The following FARSB variants were observed in gnomAD, a reference collection of about 807,000 sequenced individuals.
FARSB encodes phenylalanine--tRNA ligase beta subunit.
In FARSB, 40 loss-of-function variants were observed where a neutral mutation model predicts 69.6. That is an observed-to-expected ratio of 0.57 (90% confidence interval 0.45 to 0.75). FARSB has a LOEUF of 0.75. Among genes scored for constraint, FARSB ranks in the 30% least tolerant of loss-of-function variants. FARSB has a pLI of 0.00. For missense variants in FARSB, 632 were observed against 722.9 expected, an observed-to-expected ratio of 0.87 and a Z score of 1.44; for synonymous variants, 235 against 247.2, an observed-to-expected ratio of 0.95 and a Z score of 0.46.
intron 16 of FARSB, among the ~76,000 whole-genome samples, chr2:222,574,815 C>A (rs1448545120): frequency 6.6e-6 from 1 of 152,192 alleles, no homozygotes; most frequent in East Asian, 1.9e-4. Flanking sequence ...AAGGTTCTGT[C>A]CTCCTCATAC....
intron 6 of FARSB, among the ~76,000 whole-genome samples, chr2:222,634,187 T>C (rs963120669): frequency 4.6e-5 from 7 of 152,200 alleles, no homozygotes; most frequent in Non-Finnish European, 2.9e-5. Flanking sequence ...TGAAATCATA[T>C]CAGAGGTTAA....
chr2:222,652,317 A>G (rs964230347), intron 1 of FARSB, among the ~76,000 whole-genome samples: 8 of 152,152 alleles, frequency 5.3e-5, no homozygotes, highest in African/African-American at 1.9e-4. Flanking sequence ...GAATCAGTGG[A>G]GGTTAGAGGG....
Position 222,583,028 on chromosome 2 carries a change from T to C in FARSB, c.1619-11006A>G, listed in dbSNP as rs549461714. On this transcript the variant is annotated intron_variant, in intron 16 of 16. Transcript: ENST00000281828. ...AACACAGGAACAGAAAACCAAACAC[T>C]GCATGTTCTCACTCATAAGAGGGAG... Among the ~76,000 whole-genome samples, 10 of 151,570 alleles carry C rather than the reference T, an allele frequency of 6.6e-5. No individual in the cohort carries two copies. In the East Asian group the frequency reaches 1.9e-3, roughly 29 times the overall value.
At position 222,613,943 on chromosome 2, in the gene FARSB, A is replaced by G. The variant is rs375453983; in HGVS notation, c.1345-15T>C. Reference sequence around the variant, plus strand: ...GTGCGTGCCACCTACAGGAAAAGACATGAAATTGCACTGACCAAATAGGAC... The same window carrying G: ...GTGCGTGCCACCTACAGGAAAAGACGTGAAATTGCACTGACCAAATAGGAC... On this transcript the variant is annotated splice_polypyrimidine_tract_variant and intron_variant, in intron 14 of 16. Transcript: ENST00000281828. 4 of 1,534,266 alleles carry G rather than the reference A, an allele frequency of 2.6e-6. No homozygotes were observed. The highest frequency in any genetic ancestry group is 2.2e-5 in the East Asian group (1 of 44,478).
At chr2:222,652,349 C>T (rs2106018799) in intron 1 of FARSB, among the ~76,000 whole-genome samples, 1 of 152,198 alleles carries the variant, frequency 6.6e-6, no homozygotes, top group South Asian at 2.1e-4. Flanking sequence ...AGTCAGCCTC[C>T]AAGATGGGCT....
chr2:222,596,839 T>C (rs577283138), intron 16 of FARSB, among the ~76,000 whole-genome samples: 21 of 152,304 alleles, frequency 1.4e-4, no homozygotes, highest in African/African-American at 4.6e-4. Context: ...CACATACATA[T>C]ATATTAGATG....
chr2:222,633,849 G>T (rs1294613876), intron 6 of FARSB, among the ~76,000 whole-genome samples: 1 of 152,106 alleles, frequency 6.6e-6, no homozygotes, highest in Admixed American at 6.5e-5. Context: ...ATTTGCACTG[G>T]TATGCCTGAA....
intron 16 of FARSB, among the ~76,000 whole-genome samples, chr2:222,585,029 G>A (rs1015845147): frequency 3.3e-5 from 5 of 152,206 alleles, no homozygotes; most frequent in South Asian, 4.1e-4. Flanking sequence ...TCTGAGAACC[G>A]ACAGACTGCC....
rs564092545 is a variant in FARSB, at chr2:222,567,600, A to C, written c.*4271T>G. 6.6e-6 allele frequency: 1 copy of C among 152,260 alleles called. No homozygotes were observed. The highest frequency in any genetic ancestry group is 1.5e-5 in the Non-Finnish European group (1 of 68,044). 9.4% of individuals were successfully genotyped at this position (152,260 alleles called of 1,614,324 possible). ...TTACTCCTGTTTAAAATGTGAGAACAGTCATTCAACATGTTTTAAATTCAA... is the reference window on the plus strand; with the variant it reads ...TTACTCCTGTTTAAAATGTGAGAACCGTCATTCAACATGTTTTAAATTCAA... On this transcript the variant is annotated 3_prime_UTR_variant, in exon 17 of 17. Transcript: ENST00000281828.
chr2:222,599,338 T>A (rs1690501537), intron 16 of FARSB, among the ~76,000 whole-genome samples: 1 of 152,220 alleles, frequency 6.6e-6, no homozygotes, highest in Admixed American at 6.5e-5. Context: ...TGAGAAACTA[T>A]TAATAGAATA....
At chr2:222,572,223 G>A (rs557092930) in intron 16 of FARSB, among the ~76,000 whole-genome samples, 13 of 152,184 alleles carry the variant, frequency 8.5e-5, no homozygotes, top group Admixed American at 3.9e-4. Context: ...GAAAAAATCC[G>A]GGGCAAATAT....
chr2:222,606,318 C>T (rs1439751171), intron 15 of FARSB, among the ~76,000 whole-genome samples: 1 of 152,118 alleles, frequency 6.6e-6, no homozygotes, highest in Non-Finnish European at 1.5e-5. Flanking sequence ...TAGTAACATT[C>T]CCATTTCCTA....
intron 5 of FARSB, 70 bp from the exon 6 acceptor site, chr2:222,634,611 T>A: frequency 8.1e-7 from 1 of 1,238,540 alleles, no homozygotes; most frequent in East Asian, 2.4e-5. Context: ...GATTTGAATA[T>A]TCTAAAGCCG....
chr2:222,602,265 G>A (rs1690581693), intron 15 of FARSB, among the ~76,000 whole-genome samples: 1 of 152,000 alleles, frequency 6.6e-6, no homozygotes, highest in African/African-American at 2.4e-5. Flanking sequence ...GCGTTTTTAG[G>A]GTGATGGAAC....
chr2:222,654,338 A>G (rs534580057), intron 1 of FARSB, among the ~76,000 whole-genome samples: 2 of 152,238 alleles, frequency 1.3e-5, no homozygotes, highest in African/African-American at 4.8e-5. Context: ...AAAAAAAATT[A>G]TTTAAAGTAT....
chr2:222,630,401 C>A (rs1405722530), intron 8 of FARSB, among the ~76,000 whole-genome samples: 1 of 152,158 alleles, frequency 6.6e-6, no homozygotes, highest in Non-Finnish European at 1.5e-5. Flanking sequence ...TGAGACAAAT[C>A]GTTTCGTTCC....
At chr2:222,653,084 A>G (rs1428114477) in intron 1 of FARSB, among the ~76,000 whole-genome samples, 1 of 152,216 alleles carries the variant, frequency 6.6e-6, no homozygotes, top group Non-Finnish European at 1.5e-5. Flanking sequence ...CTATTACACC[A>G]CGCCAGAACA....
intron 6 of FARSB, 41 bp from the exon 7 acceptor site, chr2:222,633,348 T>TA (rs1691487941): frequency 1.0e-6 from 1 of 999,436 alleles, no homozygotes; most frequent in African/African-American, 1.7e-5. Flanking sequence ...TTTTTTTTTT[T>TA]AATTTCTATC....
At chr2:222,642,409 G>A (rs916239934) in intron 3 of FARSB, among the ~76,000 whole-genome samples, 2 of 152,200 alleles carry the variant, frequency 1.3e-5, no homozygotes, top group African/African-American at 4.8e-5. Flanking sequence ...AGATCACAGA[G>A]CCGTCATAAG....
Sources: allele counts gnomAD v4.1 joint callset (sites outside exome capture counted in the v4.1 genomes callset), GRCh38; gene constraint gnomAD v4.1.1; transcripts MANE v1.5; gene names NCBI Gene and HGNC (gene_info 2026-07-23, HGNC 2026-07-21).